GLT8D2: variants seen among roughly 807,000 people sequenced by gnomAD.
The protein encoded by GLT8D2 is glycosyltransferase 8 domain containing 2.
GLT8D2 carries 45 observed loss-of-function variants against 44.5 expected under a neutral mutation model. The observed-to-expected ratio is 1.01, with a 90% CI of 0.80 to 1.30. GLT8D2 has a LOEUF of 1.30. GLT8D2 is among the 50% of genes most tolerant of loss of function. GLT8D2 has a pLI of 0.00. For missense variants in GLT8D2, 400 were observed against 430.4 expected, an observed-to-expected ratio of 0.93 and a Z score of 0.62; for synonymous variants, 156 against 157.2, an observed-to-expected ratio of 0.99 and a Z score of 0.06.
chr12:104,005,623 C>T (rs552567423), intron 4 of GLT8D2, among the ~76,000 whole-genome samples: 3 of 152,302 alleles, frequency 2.0e-5, no homozygotes, highest in African/African-American at 7.2e-5. Context: ...CCAACAGACA[C>T]ATGAAAAAAT....
chr12:104,018,605 G>A (rs1447560147), intron 3 of GLT8D2, among the ~76,000 whole-genome samples: 1 of 152,148 alleles, frequency 6.6e-6, no homozygotes, highest in Non-Finnish European at 1.5e-5. Context: ...CGGGCGCAGT[G>A]CCTCACACCT....
At chr12:104,049,061 T>G (rs1168294101) in intron 1 of GLT8D2, among the ~76,000 whole-genome samples, 3 of 152,082 alleles carry the variant, frequency 2.0e-5, no homozygotes, top group East Asian at 3.9e-4. Flanking sequence ...CATTATGTAA[T>G]ATAGAAAGGA....
chr12:104,057,763 G>T (rs1347490386), intron 1 of GLT8D2, among the ~76,000 whole-genome samples: 1 of 152,212 alleles, frequency 6.6e-6, no homozygotes, highest in East Asian at 1.9e-4. Context: ...GTGTTATCAT[G>T]CAAAGTGAAG....
intron 10 of GLT8D2, 21 bp downstream of exon 10, chr12:103,993,368 AAAC>A: frequency 1.3e-6 from 2 of 1,549,092 alleles, no homozygotes; most frequent in Non-Finnish European, 1.8e-6. Flanking sequence ...GCGTTTTTCT[AAAC>A]AGTTTTTCTG....
intron 4 of GLT8D2, 151 bp downstream of exon 4, chr12:104,014,862 G>T (rs772131609): frequency 1.0e-5 from 6 of 602,186 alleles, no homozygotes; most frequent in African/African-American, 7.4e-5. Flanking sequence ...CGACTGAAAA[G>T]GTGGTCTAGG....
At chr12:104,041,623 C>T (rs919219155) in intron 1 of GLT8D2, among the ~76,000 whole-genome samples, 9 of 152,120 alleles carry the variant, frequency 5.9e-5, no homozygotes, top group African/African-American at 2.2e-4. Flanking sequence ...AAGGGCCCAA[C>T]CCAGGACAAG....
At chr12:103,992,520 T>G (rs1397594931) in intron 10 of GLT8D2, among the ~76,000 whole-genome samples, 3 of 149,916 alleles carry the variant, frequency 2.0e-5, no homozygotes, top group Non-Finnish European at 3.0e-5. Context: ...GAGATAGAGT[T>G]TCGGTCCTGT....
rs1873902462 is a variant in GLT8D2 at position 103,999,381 on chromosome 12, T to G, written c.402+16A>C. On this transcript the variant is annotated intron_variant, in intron 6 of 10. Coordinates refer to ENST00000360814, the MANE Select transcript of GLT8D2 (RefSeq NM_001384711.1). ...CACCAAGGACTGTCCCCAGCACCTG[T>G]GTGGTCCCTACTTACAGGCTGGAGC... 1 of 1,421,548 alleles carries G rather than the reference T, an allele frequency of 7.0e-7. No homozygotes were observed. The highest frequency in any genetic ancestry group is 1.0e-6 in the Non-Finnish European group (1 of 1,004,326). 88.1% of individuals were successfully genotyped at this position (1,421,548 alleles called of 1,614,324 possible).
At chr12:104,016,774 A>AGAAAGAAAGAAGGAAAG (rs1566199645) in intron 3 of GLT8D2, among the ~76,000 whole-genome samples, 33 of 58,382 alleles carry the variant, frequency 5.7e-4, no homozygotes, top group South Asian at 1.7e-3. Context: ...AAAGAAAGAA[A>AGAAAGAAAGAAGGAAAG]GAAGGAAGGA....
At chr12:104,035,863 A>G (rs957465140) in intron 1 of GLT8D2, among the ~76,000 whole-genome samples, 2 of 152,178 alleles carry the variant, frequency 1.3e-5, no homozygotes, top group African/African-American at 4.8e-5. Flanking sequence ...AAGATATATA[A>G]TTGTCAGATT....
At chr12:104,011,172 G>C (rs554074835) in intron 4 of GLT8D2, among the ~76,000 whole-genome samples, 5 of 152,334 alleles carry the variant, frequency 3.3e-5, no homozygotes, top group African/African-American at 9.6e-5. Context: ...TGGCAGAAAG[G>C]CTTATCAACT....
chr12:104,048,747 T>C (rs1463542130), intron 1 of GLT8D2, among the ~76,000 whole-genome samples: 1 of 152,180 alleles, frequency 6.6e-6, no homozygotes, highest in African/African-American at 2.4e-5. Context: ...AAAAACAGGA[T>C]GCATGATCAC....
At chr12:104,009,817 A>C (rs1197781477) in intron 4 of GLT8D2, among the ~76,000 whole-genome samples, 1 of 152,166 alleles carries the variant, frequency 6.6e-6, no homozygotes, top group Non-Finnish European at 1.5e-5. Context: ...TGGTTTTATC[A>C]AGGATTTTCA....
At chr12:104,047,588 G>A (rs908215124) in intron 1 of GLT8D2, among the ~76,000 whole-genome samples, 6 of 152,160 alleles carry the variant, frequency 3.9e-5, no homozygotes, top group Non-Finnish European at 7.3e-5. Flanking sequence ...TTACAGGTGT[G>A]AGCCGCTGTG....
At chr12:104,045,937 A>AAGAG (rs68019401) in intron 1 of GLT8D2, among the ~76,000 whole-genome samples, 5,239 of 113,608 alleles carry the variant, frequency 0.046, 159 homozygotes, top group East Asian at 0.11. Context: ...GAAAGAAAGA[A>AAGAG]AAAGAAAGAA....
At chr12:104,028,563 A>G (rs1165921954) in intron 1 of GLT8D2, among the ~76,000 whole-genome samples, 1 of 152,170 alleles carries the variant, frequency 6.6e-6, no homozygotes, top group African/African-American at 2.4e-5. Context: ...TAGCTGCACA[A>G]TGTATAAGAA....
intron 1 of GLT8D2, among the ~76,000 whole-genome samples, chr12:104,059,521 T>C (rs1882448510): frequency 6.6e-6 from 1 of 152,208 alleles, no homozygotes; most frequent in African/African-American, 2.4e-5. Flanking sequence ...ATTATATATA[T>C]TACTTTTGCT....
At chr12:104,022,004 A>C (rs1207463096) in intron 1 of GLT8D2, among the ~76,000 whole-genome samples, 1 of 79,648 alleles carries the variant, frequency 1.3e-5, no homozygotes, top group African/African-American at 6.0e-5. Context: ...AAGAAGAAGA[A>C]GAAGAAGAAG....
At chr12:104,047,605 C>T (rs746391775) in intron 1 of GLT8D2, among the ~76,000 whole-genome samples, 29 of 152,118 alleles carry the variant, frequency 1.9e-4, no homozygotes, top group Non-Finnish European at 3.7e-4. Context: ...TGTGCCCAGC[C>T]TCTTAGGCCT....
Sources: gnomAD v4.1 joint callset for allele counts (sites outside exome capture counted in the v4.1 genomes callset) on GRCh38, gnomAD v4.1.1 for gene constraint, MANE v1.5 for transcripts, NCBI Gene and HGNC (gene_info 2026-07-23, HGNC 2026-07-21) for gene names.